Variants in NAV3 observed in about 807,000 individuals in gnomAD.
NAV3 encodes pore membrane and/or filament interacting like protein 1.
Under a neutral mutation model 244.7 loss-of-function variants are expected in NAV3, and 87 were observed. That is an observed-to-expected ratio of 0.36 (90% CI 0.30 to 0.42). The LOEUF is 0.42. NAV3 is among the 20% of genes least tolerant of loss of function. NAV3 has a pLI of 1.00. For synonymous variants in NAV3, 1,126 were observed against 1,042.2 expected (o/e 1.08, Z -1.55); for missense variants, 2,663 against 2,893.3 (o/e 0.92, Z 1.83).
intron 12 of NAV3, among the ~76,000 whole-genome samples, chr12:78,079,113 T>C (rs1252065049): frequency 6.6e-6 from 1 of 152,164 alleles, no homozygotes; most frequent in African/African-American, 2.4e-5. Context: ...TATGCCTTGG[T>C]GTTAGAAAGT....
chr12:77,771,427 G>A (rs1442403992), intron 2 of NAV3, among the ~76,000 whole-genome samples: 1 of 151,110 alleles, frequency 6.6e-6, no homozygotes, highest in East Asian at 1.9e-4. Flanking sequence ...TATACCCAAA[G>A]GACTATAAAT....
At chr12:77,889,750 A>G (rs1482767211) in intron 1 of NAV3, among the ~76,000 whole-genome samples, 2 of 152,188 alleles carry the variant, frequency 1.3e-5, no homozygotes, top group Non-Finnish European at 1.5e-5. Context: ...TTTTCTCAAT[A>G]TCACTCTGAA....
intron 2 of NAV3, among the ~76,000 whole-genome samples, chr12:77,577,243 A>G (rs566449497): frequency 3.9e-5 from 6 of 152,258 alleles, no homozygotes; most frequent in African/African-American, 1.2e-4. Context: ...GCTGTCTCCC[A>G]GTTATTTTAT....
chr12:78,164,503 A>T (rs1462536202), intron 23 of NAV3, among the ~76,000 whole-genome samples: 1 of 152,104 alleles, frequency 6.6e-6, no homozygotes, highest in East Asian at 1.9e-4. Flanking sequence ...ACTCTCCCTA[A>T]TTTACGTTAT....
intron 2 of NAV3, among the ~76,000 whole-genome samples, chr12:77,619,905 A>G (rs576083782): frequency 6.6e-6 from 1 of 152,250 alleles, no homozygotes; most frequent in South Asian, 2.1e-4. Context: ...ACACACAGAC[A>G]GTCTTTGGAA....
intron 12 of NAV3, among the ~76,000 whole-genome samples, chr12:78,104,581 A>G (rs1398066263): frequency 1.3e-5 from 2 of 152,176 alleles, no homozygotes; most frequent in East Asian, 3.8e-4. Flanking sequence ...ACTAAAAGGC[A>G]TGCCTCAACA....
intron 2 of NAV3, among the ~76,000 whole-genome samples, chr12:77,782,049 C>T (rs1870689535): frequency 1.3e-5 from 2 of 152,078 alleles, no homozygotes; most frequent in African/African-American, 4.8e-5. Flanking sequence ...AATATATGTG[C>T]CACATTCTTC....
At position 78,159,238 on chromosome 12, in the gene NAV3, G is replaced by A. The variant is rs753642699; in HGVS notation, c.4821G>A (p.Gly1607=). 2 of 1,613,334 alleles carry A rather than the reference G, an allele frequency of 1.2e-6. No homozygotes were observed. The highest frequency in any genetic ancestry group is 2.2e-5 in the South Asian group (2 of 91,044). ...HLVAAFEKSL[G]NMTGRLQSLT... Reference sequence around the variant, plus strand: ...TAGCAGCTTTTGAAAAGAGCTTAGGGAATATGACTGGCCGATTGCAAAGTC... The same window carrying A: ...TAGCAGCTTTTGAAAAGAGCTTAGGAAATATGACTGGCCGATTGCAAAGTC... Residue 1607 remains glycine, a synonymous_variant, in exon 23 of 40, where the codon GGG becomes GGA. Transcript: ENST00000397909.
At chr12:78,168,719 G>A (rs765877321) in intron 23 of NAV3, 36 bp from the exon 24 acceptor site, 27 of 1,362,318 alleles carry the variant, frequency 2.0e-5, no homozygotes, top group Middle Eastern at 3.6e-4. Context: ...TTTTTCTTTC[G>A]GGTACTAAAG....
At chr12:77,579,332 G>A (rs1183800125) in intron 2 of NAV3, among the ~76,000 whole-genome samples, 1 of 152,182 alleles carries the variant, frequency 6.6e-6, no homozygotes, top group Non-Finnish European at 1.5e-5. Flanking sequence ...AAGAAGTGGT[G>A]GTGCCCATGA....
chr12:77,675,808 CTTCTTCCT>C (rs752594986), intron 2 of NAV3, among the ~76,000 whole-genome samples: 1 of 152,118 alleles, frequency 6.6e-6, no homozygotes, highest in Non-Finnish European at 1.5e-5. Context: ...GGGCCTCAGG[CTTCTTCCT>C]GTGCTGGTCC....
chr12:77,960,707 G>T (rs148311867), intron 3 of NAV3, among the ~76,000 whole-genome samples: 1,652 of 146,356 alleles, frequency 0.011, 16 homozygotes, highest in South Asian at 0.021. Flanking sequence ...TAAAGTATAT[G>T]CTATATATTA....
At chr12:77,705,542 T>C (rs1296881274) in intron 2 of NAV3, among the ~76,000 whole-genome samples, 4 of 151,592 alleles carry the variant, frequency 2.6e-5, no homozygotes, top group African/African-American at 9.8e-5. Context: ...GGATACTGTC[T>C]CTCCATTTTT....
At chr12:77,626,110 G>A (rs1871608293) in intron 2 of NAV3, among the ~76,000 whole-genome samples, 1 of 152,084 alleles carries the variant, frequency 6.6e-6, no homozygotes, top group Non-Finnish European at 1.5e-5. Flanking sequence ...ATAAAAAGAA[G>A]CAAACAGAAA....
intron 32 of NAV3, 95 bp from the exon 33 acceptor site, chr12:78,188,514 C>T: frequency 1.5e-6 from 2 of 1,298,148 alleles, no homozygotes; most frequent in Non-Finnish European, 2.1e-6. Flanking sequence ...TTCTAATATT[C>T]TTGACAACTA....
At chr12:78,189,865 A>G in intron 33 of NAV3, 119 bp from the exon 34 acceptor site, 1 of 714,430 alleles carries the variant, frequency 1.4e-6, no homozygotes. Flanking sequence ...TATCTAGGAA[A>G]TTATTTTTCA....
At chr12:77,993,681 T>C (rs1871832048) in intron 5 of NAV3, among the ~76,000 whole-genome samples, 1 of 143,774 alleles carries the variant, frequency 7.0e-6, no homozygotes, top group Non-Finnish European at 1.5e-5. Context: ...AAACACATCA[T>C]CATCCTAAGT....
intron 2 of NAV3, among the ~76,000 whole-genome samples, chr12:77,573,412 T>C (rs1868925577): frequency 6.6e-6 from 1 of 152,218 alleles, no homozygotes; most frequent in Non-Finnish European, 1.5e-5. Flanking sequence ...GGTTCATTTT[T>C]TGTGCAGTGT....
At chr12:77,723,114 CTATTCAGAGAGACA>C (rs1364552423) in intron 2 of NAV3, among the ~76,000 whole-genome samples, 1 of 151,892 alleles carries the variant, frequency 6.6e-6, no homozygotes, top group Non-Finnish European at 1.5e-5. Context: ...TATAGTGTCT[CTATTCAGAGAGACA>C]GAGACATAGA....
Sources: allele counts gnomAD v4.1 joint callset (sites outside exome capture counted in the v4.1 genomes callset), GRCh38; gene constraint gnomAD v4.1.1; transcripts MANE v1.5; gene names NCBI Gene and HGNC (gene_info 2026-07-23, HGNC 2026-07-21).